Variants in ADAM19 observed in about 807,000 individuals in gnomAD.
ADAM19 encodes the protein disintegrin and metalloproteinase domain-containing protein 19.
ADAM19 carries 65 observed loss-of-function variants against 114.7 expected under a neutral mutation model. That is an observed-to-expected ratio of 0.57 (90% confidence interval 0.46 to 0.70). ADAM19 has a LOEUF of 0.70. ADAM19 is among the 30% of genes least tolerant of loss of function. The pLI is 0.00. For missense variants in ADAM19, 1,063 were observed against 1,204.7 expected, an observed-to-expected ratio of 0.88 and a Z score of 1.74; for synonymous variants, 466 against 460.5, an observed-to-expected ratio of 1.01 and a Z score of -0.15.
intron 4 of ADAM19, among the ~76,000 whole-genome samples, chr5:157,533,456 G>A (rs1013334293): frequency 6.6e-6 from 1 of 152,156 alleles, no homozygotes; most frequent in African/African-American, 2.4e-5. Context: ...CTACCCGTGG[G>A]ATCTGGGATT....
chr5:157,548,880 G>A (rs1056938071), intron 3 of ADAM19, among the ~76,000 whole-genome samples: 2 of 152,116 alleles, frequency 1.3e-5, no homozygotes, highest in East Asian at 1.9e-4. Flanking sequence ...TCACATCCTC[G>A]GAGCTGGGAG....
intron 22 of ADAM19, 92 bp from the exon 23 acceptor site, chr5:157,481,094 A>G: frequency 6.5e-7 from 1 of 1,528,896 alleles, no homozygotes. Context: ...TTTAGAAGGA[A>G]GGATGGACCA....
rs1288412734 is a variant in ADAM19 at position 157,520,006 on chromosome 5, G to C, written c.433C>G (p.Leu145Val). 3.1e-6 allele frequency: 5 copies of C among 1,614,062 alleles called. 1 individual carries two copies. The South Asian group carries it at 5.5e-5, about 18-fold the overall frequency. Residue 145 changes from leucine to valine, a missense_variant, in exon 6 of 23, where the codon CTC becomes GTC. Leu to Val is a conservative substitution (Grantham distance 32). Coordinates refer to ENST00000257527, the MANE Select transcript of ADAM19 (RefSeq NM_033274.5). ...IRGLITVSSNLSYVIEPLPDS... is the reference protein window; with the variant it reads ...IRGLITVSSNVSYVIEPLPDS... ...GGGAGGGGCTCGATGACGTAGCTGA[G>C]GTTGCTGCTCACCGTAATCAGTCCT...
chr5:157,518,446 A>T (rs1756159295), intron 7 of ADAM19, among the ~76,000 whole-genome samples: 1 of 152,132 alleles, frequency 6.6e-6, no homozygotes, highest in Admixed American at 6.5e-5. Flanking sequence ...GTGCAGTGGC[A>T]TGATCTCAGC....
chr5:157,480,123 T>C lies in ADAM19; in HGVS notation c.*826A>G. ...GTTTGCTCACCAAAGCACCACACAT[T>C]AGAGGGAGAATGAGAGGGGAAGGAA... On this transcript the variant is annotated 3_prime_UTR_variant, in exon 23 of 23. Transcript: ENST00000257527. 1.0e-6 allele frequency: 1 copy of C among 985,570 alleles called. No homozygotes were observed. Among genetic ancestry groups the C allele is most frequent in the Non-Finnish European group, 1.2e-6 (1 of 829,928 alleles). 61.1% of individuals were successfully genotyped at this position (985,570 alleles called of 1,614,324 possible).
intron 4 of ADAM19, 69 bp downstream of exon 4, chr5:157,537,844 T>G: frequency 7.1e-7 from 1 of 1,410,120 alleles, no homozygotes; most frequent in Non-Finnish European, 1.0e-6. Flanking sequence ...ATCAGGCATC[T>G]CCTGAGGTCC....
chr5:157,499,773 C>CTATT, intron 12 of ADAM19, 111 bp from the exon 13 acceptor site: 1 of 419,702 alleles, frequency 2.4e-6, no homozygotes. Context: ...GCAACTATCT[C>CTATT]TTTTTTTTTT....
intron 2 of ADAM19, among the ~76,000 whole-genome samples, chr5:157,569,416 C>CTTTTTTTTTTTTTTTTTTTTTTTTTTTTT (rs1196722802): frequency 1.0e-5 from 1 of 97,872 alleles, no homozygotes; most frequent in Non-Finnish European, 2.0e-5. Flanking sequence ...AGCTAATTTT[C>CTTTTTTTTTTTTTTTTTTTTTTTTTTTTT]TTTTTTTTTT....
intron 1 of ADAM19, among the ~76,000 whole-genome samples, chr5:157,573,737 C>A (rs1352155301): frequency 1.5e-5 from 2 of 135,348 alleles, no homozygotes; most frequent in African/African-American, 6.3e-5. Flanking sequence ...CAGATAGAGA[C>A]TCTGAAAAAA....
intron 12 of ADAM19, 127 bp from the exon 13 acceptor site, chr5:157,499,789 T>TA: frequency 3.1e-6 from 2 of 652,346 alleles, no homozygotes; most frequent in Non-Finnish European, 5.3e-6. Context: ...TTTTTTTTTT[T>TA]TTTTTGAGAG....
chr5:157,526,708 C>T (rs561520117), intron 5 of ADAM19, among the ~76,000 whole-genome samples: 2 of 151,768 alleles, frequency 1.3e-5, no homozygotes, highest in African/African-American at 2.4e-5. Context: ...GCAACCTCTG[C>T]CTCCCGGGTT....
chr5:157,562,682 CA>C (rs1757540751), intron 3 of ADAM19, among the ~76,000 whole-genome samples: 1 of 152,216 alleles, frequency 6.6e-6, no homozygotes, highest in Non-Finnish European at 1.5e-5. Flanking sequence ...TGGCCTCAGA[CA>C]AATGCCTATC....
rs115238927 is a variant in ADAM19, at chr5:157,537,613, T to G, written c.330+300A>C. Among the ~76,000 whole-genome samples, 373 of 152,346 alleles carry G rather than the reference T, an allele frequency of 2.4e-3. 3 individuals carry two copies. Among genetic ancestry groups the G allele is most frequent in the African/African-American group, 8.6e-3 (356 of 41,580 alleles). The stretch of plus-strand genomic sequence containing the variant: ...CCTTTTACTAAAACTTTTGTTAACA[T>G]GTGGGTAATTAACATAAAGCAAAGA... On this transcript the variant is annotated intron_variant, in intron 4 of 22. Transcript: ENST00000257527.
chr5:157,520,757 C>T (rs1231781858), intron 5 of ADAM19, among the ~76,000 whole-genome samples: 1 of 152,188 alleles, frequency 6.6e-6, no homozygotes, highest in South Asian at 2.1e-4. Flanking sequence ...CACGTCAGCA[C>T]GGTAGTTATT....
At chr5:157,540,440 G>C (rs1416863892) in intron 3 of ADAM19, among the ~76,000 whole-genome samples, 1 of 152,112 alleles carries the variant, frequency 6.6e-6, no homozygotes, top group East Asian at 1.9e-4. Flanking sequence ...AATATTCTCA[G>C]CCTCTTCTGA....
intron 21 of ADAM19, among the ~76,000 whole-genome samples, chr5:157,483,144 G>A (rs534228212): frequency 5.8e-4 from 89 of 152,178 alleles, no homozygotes; most frequent in African/African-American, 2.0e-3. Flanking sequence ...AACCACCATG[G>A]CATGTGTATA....
chr5:157,563,053 C>T (rs963642584), intron 3 of ADAM19, among the ~76,000 whole-genome samples: 5 of 152,054 alleles, frequency 3.3e-5, no homozygotes, highest in African/African-American at 1.2e-4. Context: ...CCGAGAGACA[C>T]GGTCAAGAAC....
chr5:157,571,544 G>A (rs967873913), intron 1 of ADAM19, among the ~76,000 whole-genome samples: 18 of 152,176 alleles, frequency 1.2e-4, no homozygotes, highest in African/African-American at 4.1e-4. Context: ...ACCACGGAGA[G>A]TGTCTGGATT....
At chr5:157,486,506 T>A (rs943734824) in intron 21 of ADAM19, among the ~76,000 whole-genome samples, 1 of 152,112 alleles carries the variant, frequency 6.6e-6, no homozygotes, top group Non-Finnish European at 1.5e-5. Flanking sequence ...GTGCAGGGTA[T>A]GCACAGCCTC....
Sources: gnomAD v4.1 joint callset for allele counts (sites outside exome capture counted in the v4.1 genomes callset) on GRCh38, gnomAD v4.1.1 for gene constraint, MANE v1.5 for transcripts, NCBI Gene and HGNC (gene_info 2026-07-23, HGNC 2026-07-21) for gene names.